Variants in PHYKPL observed in about 807,000 individuals in gnomAD.
PHYKPL encodes 5-phosphonooxy-L-lysine phospho-lyase.
Under a neutral mutation model 51.3 loss-of-function variants are expected in PHYKPL, and 42 were observed. The ratio of observed to expected loss-of-function variants is 0.82; its 90% CI spans 0.64 to 1.06. The LOEUF is 1.06. Among genes scored for constraint, PHYKPL ranks in the 50% least tolerant of loss-of-function variants. The probability of loss-of-function intolerance (pLI) is 0.00; values close to 1 mark genes in which losing one functional copy is unlikely to be tolerated. For synonymous variants in PHYKPL, 264 were observed against 236.0 expected, an observed-to-expected ratio of 1.12 and a Z score of -1.09; for missense variants, 655 against 586.6, an observed-to-expected ratio of 1.12 and a Z score of -1.20.
rs1762084434 is a variant in PHYKPL at position 178,225,365 on chromosome 5, C to T, written c.403G>A (p.Val135Ile). The change falls in exon 4 of 13, where the codon GTA becomes ATA. Residue 135 changes from valine (V) to isoleucine (I), a missense_variant. By Grantham distance (29) the Val-to-Ile change is conservative. Transcript: ENST00000308158. The part of the protein sequence containing the change: ...RHYTGHQDVV[V>I]LDHAYHGHLS... ...GTGAGTTGCACTTACTGATCTAATA[C>T]CACCACGTCCTGGTGTCCCGTGTAG... The T allele has an allele frequency of 6.2e-7, 1 of 1,614,188 alleles. No homozygotes were observed. Among genetic ancestry groups the T allele is most frequent in the Non-Finnish European group, 8.5e-7 (1 of 1,180,042 alleles).
rs749623855 is a variant in PHYKPL at position 178,222,388 on chromosome 5, T to C, written c.894A>G (p.Ala298=). The C allele has an allele frequency of 6.2e-7, 1 of 1,613,742 alleles. No individual in the cohort carries two copies. Among genetic ancestry groups the C allele is most frequent in the African/African-American group, 1.3e-5 (1 of 74,938 alleles). Residue 298 remains alanine (A), a synonymous_variant, in exon 8 of 13, where the codon GCA becomes GCG. Coordinates refer to ENST00000308158, the MANE Select transcript of PHYKPL (RefSeq NM_153373.4). ...AGTACTCAACGCCGGTGGCTTCAAATGCCCTCGCCACAGGCTGGGTTGCGG... is the reference window on the plus strand; with the variant it reads ...AGTACTCAACGCCGGTGGCTTCAAACGCCCTCGCCACAGGCTGGGTTGCGG... ...CVAATQPVAR[A]FEATGVEYFN...
At chr5:178,223,960 C>T (rs1359416245) in intron 6 of PHYKPL, 1 of 185,608 alleles carries the variant, frequency 5.4e-6, no homozygotes, top group Admixed American at 5.5e-5. Context: ...AGTCAGAGAG[C>T]AGCCCCGGCC....
chr5:178,215,555 C>T lies in PHYKPL; in HGVS notation c.928-125G>A. 2.5e-6 allele frequency: 3 copies of T among 1,178,302 alleles called. No individual in the cohort carries two copies. The South Asian group carries it at 4.8e-5, about 19-fold the overall frequency. The allele number at this position is 1,178,302 out of a possible 1,614,324, so 73.0% of individuals were successfully genotyped here. A position where few individuals can be genotyped will look rare whatever the true frequency, so the allele number is the denominator to read the frequency against. ...AGTGGCAAGAGCAGAGGCCCCAAAC[C>T]CCTTAGGGCGCACAGTCCTCAGCAG... On this transcript the variant is annotated intron_variant, in intron 8 of 12. Transcript: ENST00000308158.
In PHYKPL at chr5:178,224,365, G is replaced by C. The variant is rs571314007; in HGVS notation, c.618+83C>G. The C allele has an allele frequency of 3.0e-4, 421 of 1,391,490 alleles. 1 individual carries two copies. The highest frequency in any genetic ancestry group is 1.9e-3 in the African/African-American group (133 of 68,904). The allele number at this position is 1,391,490 out of a possible 1,614,324, so 86.2% of individuals were successfully genotyped here. On this transcript the variant is annotated intron_variant, in intron 6 of 12. Transcript: ENST00000308158. ...GGGCCTCGTTTGGTTTTCTCTCTGG[G>C]TTCCCAGCATCTAGCACAGTGGCGG...
intron 12 of PHYKPL, chr5:178,210,544 C>T (rs372674618): frequency 5.6e-5 from 90 of 1,613,242 alleles, no homozygotes; most frequent in Non-Finnish European, 6.7e-5. Flanking sequence ...TGGTTGTTCT[C>T]GTCCCTAGGT....
rs888972022 is a variant in PHYKPL at position 178,231,958 on chromosome 5, G to A, written c.60-435C>T. On this transcript the variant is annotated intron_variant, in intron 1 of 12. Transcript: ENST00000308158. The stretch of plus-strand genomic sequence containing the variant: ...CAGCCACGTGGCCCTGCTGCCCCTC[G>A]CTGGGTGCCAGCCCTAAGCTCCAGT... 1.8e-5 allele frequency: 22 copies of A among 1,240,320 alleles called. No individual in the cohort carries two copies. In the African/African-American group the frequency reaches 3.1e-4, roughly 18 times the overall value. 76.8% of individuals were successfully genotyped at this position (1,240,320 alleles called of 1,614,324 possible).
At position 178,231,426 on chromosome 5, in the gene PHYKPL, A is replaced by C; in HGVS notation, c.157T>G (p.Cys53Gly). Residue 53 changes from cysteine to glycine, a missense_variant, in exon 2 of 13, where the codon TGC (cysteine) becomes GGC (glycine). Physicochemically the swap from Cys to Gly is radical, Grantham distance 159. Transcript: ENST00000308158. Reference protein sequence around the residue: ...YDEQGAEYIDCISNVAHVGHC... With the variant: ...YDEQGAEYIDGISNVAHVGHC... ...TGACCGTGCGCCACATTGCTGATGC[A>C]ATCGATGTATTCTGCCCCCTGTTCA... 6.2e-7 allele frequency: 1 copy of C among 1,614,212 alleles called. No homozygotes were observed. The highest frequency in any genetic ancestry group is 2.2e-5 in the East Asian group (1 of 44,894).
chr5:178,232,079 T>C (rs1419709727), intron 1 of PHYKPL: 19 of 1,184,132 alleles, frequency 1.6e-5, no homozygotes, highest in African/African-American at 3.2e-5. Flanking sequence ...TTGTCTGCCC[T>C]TTCAGCCCCC....
chr5:178,213,159 T>C, intron 10 of PHYKPL, 56 bp from the exon 11 acceptor site: 2 of 1,599,146 alleles, frequency 1.3e-6, no homozygotes, highest in Middle Eastern at 1.9e-4. Flanking sequence ...CAGCCTGGCC[T>C]TGGCCTCATG....
At position 178,230,106 on chromosome 5, in the gene PHYKPL, G is replaced by A; in HGVS notation, c.179-7C>T. The A allele has an allele frequency of 1.2e-6, 2 of 1,613,498 alleles. No individual in the cohort carries two copies. The highest frequency in any genetic ancestry group is 1.7e-6 in the Non-Finnish European group (2 of 1,179,920). ...AGAGGGTGGCAGTGCCCAACTGGAAGAGGGCCGCCTCCGTCACACGGCTGG... is the reference window on the plus strand; with the variant it reads ...AGAGGGTGGCAGTGCCCAACTGGAAAAGGGCCGCCTCCGTCACACGGCTGG... On this transcript the variant is annotated splice_polypyrimidine_tract_variant and splice_region_variant and intron_variant, in intron 2 of 12. Coordinates refer to ENST00000308158, the MANE Select transcript of PHYKPL (RefSeq NM_153373.4).
At chr5:178,231,887 G>C (rs916759475) in intron 1 of PHYKPL, 15 of 1,314,886 alleles carry the variant, frequency 1.1e-5, no homozygotes, top group Admixed American at 4.6e-5. Flanking sequence ...ATGGGCCAGG[G>C]CACCAACATT....
chr5:178,220,742 A>AC (rs1761016572), intron 8 of PHYKPL, among the ~76,000 whole-genome samples: 2 of 152,036 alleles, frequency 1.3e-5, no homozygotes, highest in Non-Finnish European at 2.9e-5. Flanking sequence ...AAAAAACAAA[A>AC]AAAACATGGA....
At chr5:178,209,428 AGGTGGT>A (rs776924287) in intron 12 of PHYKPL, 1 of 1,613,918 alleles carries the variant, frequency 6.2e-7, no homozygotes. Context: ...GAGGCAGCGG[AGGTGGT>A]GGTGGAGGTG....
intron 8 of PHYKPL, among the ~76,000 whole-genome samples, chr5:178,222,069 G>T (rs562745407): frequency 6.6e-6 from 1 of 152,210 alleles, no homozygotes; most frequent in Non-Finnish European, 1.5e-5. Context: ...GACACAGGGC[G>T]TGGCACAGAA....
At chr5:178,212,121 G>T in intron 11 of PHYKPL, 151 bp from the exon 12 acceptor site, 1 of 765,014 alleles carries the variant, frequency 1.3e-6, no homozygotes, top group Non-Finnish European at 2.1e-6. Flanking sequence ...GGTGGCAGCA[G>T]TTTCCTGAAA....
intron 7 of PHYKPL, 71 bp from the exon 8 acceptor site, chr5:178,222,651 G>C: frequency 2.0e-6 from 3 of 1,526,998 alleles, no homozygotes; most frequent in South Asian, 2.3e-5. Context: ...AGGAGGTCTC[G>C]GGGCTTTGCA....
intron 12 of PHYKPL, chr5:178,210,485 C>G: frequency 6.6e-7 from 1 of 1,517,056 alleles, no homozygotes; most frequent in Non-Finnish European, 9.1e-7. Context: ...TGGGAAGATG[C>G]ATATCAAGCG....
chr5:178,218,066 A>AGC (rs1760251720), intron 8 of PHYKPL, among the ~76,000 whole-genome samples: 1 of 103,334 alleles, frequency 9.7e-6, no homozygotes, highest in African/African-American at 4.4e-5. Flanking sequence ...AAAATACAAA[A>AGC]ATTAGCCGGG....
At position 178,230,103 on chromosome 5, in the gene PHYKPL, G is replaced by C. The variant is rs1439795326; in HGVS notation, c.179-4C>G. ...ACGAGAGGGTGGCAGTGCCCAACTG[G>C]AAGAGGGCCGCCTCCGTCACACGGC... On this transcript the variant is annotated splice_polypyrimidine_tract_variant and splice_region_variant and intron_variant, in intron 2 of 12. Transcript: ENST00000308158. 6.2e-7 allele frequency: 1 copy of C among 1,613,514 alleles called. No individual in the cohort carries two copies. The highest frequency in any genetic ancestry group is 2.2e-5 in the East Asian group (1 of 44,880).
Sources: gnomAD v4.1 joint callset for allele counts (sites outside exome capture counted in the v4.1 genomes callset) on GRCh38, gnomAD v4.1.1 for gene constraint, MANE v1.5 for transcripts, NCBI Gene and HGNC (gene_info 2026-07-23, HGNC 2026-07-21) for gene names.